SMYD3: variants seen among roughly 807,000 people sequenced by gnomAD.
The protein encoded by SMYD3 is SET and MYND domain containing 3.
SMYD3 carries 36 observed loss-of-function variants against 57.7 expected under a neutral mutation model. The ratio of observed to expected loss-of-function variants is 0.62; its 90% CI spans 0.48 to 0.82. The LOEUF (loss-of-function observed/expected upper bound fraction) is 0.82. Among genes scored for constraint, SMYD3 ranks in the 40% least tolerant of loss-of-function variants. The pLI, the probability that SMYD3 is intolerant of heterozygous loss-of-function variation, is 0.00. For synonymous variants in SMYD3, 211 were observed against 195.0 expected, an observed-to-expected ratio of 1.08 and a Z score of -0.68; for missense variants, 515 against 538.8, an observed-to-expected ratio of 0.96 and a Z score of 0.44.
chr1:246,152,411 A>G (rs1293908906), intron 5 of SMYD3, among the ~76,000 whole-genome samples: 1 of 152,138 alleles, frequency 6.6e-6, no homozygotes, highest in East Asian at 1.9e-4. Context: ...TGTTGTTGCT[A>G]TTTTCATCCT....
intron 2 of SMYD3, among the ~76,000 whole-genome samples, chr1:246,351,746 G>T (rs4654101): frequency 0.16 from 23,621 of 152,104 alleles, 2,096 homozygotes; most frequent in East Asian, 0.3. Flanking sequence ...TAGAAGCGGG[G>T]GAAGGAAGCT....
intron 2 of SMYD3, among the ~76,000 whole-genome samples, chr1:246,339,379 C>T (rs905028451): frequency 1.3e-5 from 2 of 151,816 alleles, no homozygotes; most frequent in Admixed American, 1.3e-4. Flanking sequence ...CCTTATATTC[C>T]AATTATGGCA....
At chr1:246,311,765 G>A (rs746668455) in intron 5 of SMYD3, among the ~76,000 whole-genome samples, 1 of 152,204 alleles carries the variant, frequency 6.6e-6, no homozygotes, top group Admixed American at 6.5e-5. Flanking sequence ...TTACGAATTG[G>A]TTCAAAAATA....
At chr1:246,222,120 C>A (rs983887138) in intron 5 of SMYD3, among the ~76,000 whole-genome samples, 12 of 152,092 alleles carry the variant, frequency 7.9e-5, no homozygotes, top group Admixed American at 7.9e-4. Flanking sequence ...CCAAACATAA[C>A]TACAAGGAGT....
chr1:246,252,771 T>A (rs1329079596), intron 5 of SMYD3, among the ~76,000 whole-genome samples: 1 of 152,196 alleles, frequency 6.6e-6, no homozygotes, highest in African/African-American at 2.4e-5. Context: ...ATAGACTATG[T>A]CTGAAATAGT....
chr1:245,826,890 ACTGCCC>A, intron 10 of SMYD3, among the ~76,000 whole-genome samples: 1 of 152,296 alleles, frequency 6.6e-6, no homozygotes, highest in Non-Finnish European at 1.5e-5. Context: ...CATGGAGCAA[ACTGCCC>A]CCATGATCCA....
intron 5 of SMYD3, among the ~76,000 whole-genome samples, chr1:246,194,426 GC>G (rs1344628123): frequency 1.3e-5 from 2 of 152,072 alleles, no homozygotes; most frequent in African/African-American, 4.8e-5. Flanking sequence ...GTGCCATCAT[GC>G]CCGGCTAATT....
In SMYD3 at chr1:246,201,410, C is replaced by T. The variant is rs556263367; in HGVS notation, c.531+125791G>A. 5.3e-5 allele frequency among the ~76,000 whole-genome samples: 8 copies of T among 152,324 alleles called. No individual in the cohort carries two copies. In the East Asian group the frequency reaches 1.3e-3, roughly 26 times the overall value. On this transcript the variant is annotated intron_variant, in intron 5 of 11. Transcript: ENST00000490107. ...ATCTCTCTGGATCAGCTTAAGCACA[C>T]GCATGCTATTTTGTTTATTATTTGG...
intron 5 of SMYD3, among the ~76,000 whole-genome samples, chr1:246,007,560 A>G (rs1308655372): frequency 6.6e-6 from 1 of 152,074 alleles, no homozygotes; most frequent in African/African-American, 2.4e-5. Context: ...CTGTAATCCC[A>G]GTATTTCGGG....
intron 3 of SMYD3, among the ~76,000 whole-genome samples, chr1:246,330,952 T>C (rs1425741166): frequency 2.0e-5 from 3 of 152,104 alleles, no homozygotes; most frequent in Non-Finnish European, 2.9e-5. Flanking sequence ...CTGGGCAACA[T>C]GGCGAAACCC....
intron 5 of SMYD3, among the ~76,000 whole-genome samples, chr1:246,149,237 G>A (rs536516585): frequency 1.3e-5 from 2 of 152,186 alleles, no homozygotes; most frequent in Middle Eastern, 3.4e-3. Context: ...TTTTCTCTAC[G>A]AAGAAACTGA....
chr1:246,064,027 A>G (rs1256668619), intron 5 of SMYD3, among the ~76,000 whole-genome samples: 2 of 152,158 alleles, frequency 1.3e-5, no homozygotes, highest in Non-Finnish European at 2.9e-5. Context: ...AAATAATCCC[A>G]ATTCCTACTT....
At chr1:246,370,473 G>T (rs946876468) in intron 1 of SMYD3, among the ~76,000 whole-genome samples, 1 of 152,186 alleles carries the variant, frequency 6.6e-6, no homozygotes, top group Non-Finnish European at 1.5e-5. Flanking sequence ...TTCAAAACCT[G>T]CAATACTTAC....
chr1:246,143,363 A>G (rs1175036974), intron 5 of SMYD3, among the ~76,000 whole-genome samples: 2 of 152,190 alleles, frequency 1.3e-5, no homozygotes, highest in Non-Finnish European at 2.9e-5. Context: ...AGTTCTCTCC[A>G]TAACACATTT....
chr1:246,238,642 C>T (rs535024849), intron 5 of SMYD3, among the ~76,000 whole-genome samples: 2 of 152,234 alleles, frequency 1.3e-5, no homozygotes, highest in South Asian at 2.1e-4. Context: ...ATTTCATTTT[C>T]GTTTTTTTGC....
intron 5 of SMYD3, among the ~76,000 whole-genome samples, chr1:246,102,743 C>CAA (rs746820906): frequency 1.2e-4 from 18 of 145,816 alleles, no homozygotes; most frequent in African/African-American, 3.1e-4. Flanking sequence ...CCTTGGCTCT[C>CAA]AAAAAAAAAA....
chr1:246,218,520 C>T (rs1254760581), intron 5 of SMYD3, among the ~76,000 whole-genome samples: 1 of 151,862 alleles, frequency 6.6e-6, no homozygotes, highest in Non-Finnish European at 1.5e-5. Context: ...ACTCTGGAGG[C>T]TGAGGCAGGA....
chr1:246,066,499 C>A (rs2060342192), intron 5 of SMYD3, among the ~76,000 whole-genome samples: 3 of 152,130 alleles, frequency 2.0e-5, no homozygotes, highest in African/African-American at 7.2e-5. Flanking sequence ...CTCTGCACTG[C>A]TAAATAAGTA....
chr1:245,765,274 G>A (rs2046036958), intron 10 of SMYD3, among the ~76,000 whole-genome samples: 1 of 151,226 alleles, frequency 6.6e-6, no homozygotes. Context: ...GAGCATGCCT[G>A]TAGTCCCAGC....
Sources: allele counts gnomAD v4.1 joint callset (sites outside exome capture counted in the v4.1 genomes callset), GRCh38; gene constraint gnomAD v4.1.1; transcripts MANE v1.5; gene names NCBI Gene and HGNC (gene_info 2026-07-23, HGNC 2026-07-21).